The following ATAD2 variants were observed in gnomAD, a reference collection of about 807,000 sequenced individuals.
ATAD2 encodes ATPase family AAA domain containing 2.
A neutral mutation model predicts 168.9 loss-of-function variants in ATAD2; 62 were observed. That is an observed-to-expected ratio of 0.37 (90% CI 0.30 to 0.45). The LOEUF is 0.45. Among genes scored for constraint, ATAD2 ranks in the 20% least tolerant of loss-of-function variants. The pLI is 1.00. For synonymous variants in ATAD2, 613 were observed against 571.6 expected, an observed-to-expected ratio of 1.07 and a Z score of -1.03; for missense variants, 1,419 against 1,667.8, an observed-to-expected ratio of 0.85 and a Z score of 2.60.
intron 24 of ATAD2, among the ~76,000 whole-genome samples, chr8:123,328,894 G>A (rs926565194): frequency 1.4e-5 from 2 of 142,922 alleles, no homozygotes; most frequent in South Asian, 2.2e-4. Flanking sequence ...TCTGCCTCCC[G>A]GGTTCATGCC....
At chr8:123,321,998 T>G (rs1827482613) in intron 27 of ATAD2, among the ~76,000 whole-genome samples, 1 of 151,602 alleles carries the variant, frequency 6.6e-6, no homozygotes, top group East Asian at 1.9e-4. Context: ...TTTTTTTTTT[T>G]TTTTTGTCAT....
In ATAD2 at chr8:123,344,945, G is replaced by A; in HGVS notation, c.2657C>T (p.Ser886Leu). ...TFTTLLQNIP[S>L]FAPVLLLATS... Reference sequence around the variant, plus strand: ...TGCAAGTAGTAAAACTGGAGCAAATGAAGGAATATTCTGTAATAATGTGGT... The same window carrying A: ...TGCAAGTAGTAAAACTGGAGCAAATAAAGGAATATTCTGTAATAATGTGGT... The change falls in exon 19 of 28, where the codon TCA (serine) becomes TTA (leucine). Residue 886 changes from serine (S) to leucine (L), a missense_variant. Ser to Leu is a moderately radical substitution (Grantham distance 145). Transcript: ENST00000287394. The A allele has an allele frequency of 6.2e-7, 1 of 1,614,134 alleles. No homozygotes were observed. The highest frequency in any genetic ancestry group is 8.5e-7 in the Non-Finnish European group (1 of 1,179,988).
At position 123,336,378 on chromosome 8, in the gene ATAD2, G is replaced by T; in HGVS notation, c.3206C>A (p.Pro1069His). ...AAAAATTCACTAATGCTCACCTCCA[G>T]GATCTCTATCTGGATTGTATTCTAA... ...NALEYNPDRD[P>H]GDRLIRHRAC... The change falls in exon 22 of 28, where the codon CCT becomes CAT. Residue 1069 changes from proline (P) to histidine (H), a missense_variant. By Grantham distance (77) the Pro-to-His change is moderately conservative. Around this residue, in one of 5 missense-constraint regions of ATAD2, gnomAD observed 545 missense variants for 724.9 expected, o/e 0.75. Transcript: ENST00000287394. 6.3e-7 allele frequency: 1 copy of T among 1,576,350 alleles called. No individual in the cohort carries two copies. Among genetic ancestry groups the T allele is most frequent in the Non-Finnish European group, 8.6e-7 (1 of 1,168,822 alleles).
chr8:123,408,603 G>A (rs112734536), intron 1 of ATAD2, among the ~76,000 whole-genome samples: 28,461 of 151,830 alleles, frequency 0.19, 3,194 homozygotes, highest in Non-Finnish European at 0.26. Flanking sequence ...TGAACCCTCC[G>A]CCTCTGGGGT....
At chr8:123,413,819 C>T (rs1813198797) in intron 1 of ATAD2, among the ~76,000 whole-genome samples, 1 of 152,124 alleles carries the variant, frequency 6.6e-6, no homozygotes, top group Non-Finnish European at 1.5e-5. Flanking sequence ...TGAAAGAATG[C>T]ATCAGACAGA....
chr8:123,346,893 T>A (rs1192782122), intron 16 of ATAD2, 143 bp from the exon 17 acceptor site: 1 of 1,118,154 alleles, frequency 8.9e-7, no homozygotes, highest in African/African-American at 1.6e-5. Flanking sequence ...AATAAGTAAA[T>A]GTAAAAATGC....
intron 2 of ATAD2, among the ~76,000 whole-genome samples, chr8:123,378,701 C>CAAAAAAA (rs71808201): frequency 4.1e-4 from 30 of 72,974 alleles, no homozygotes; most frequent in African/African-American, 1.3e-3. Context: ...GACTGTGTCT[C>CAAAAAAA]AAAAAAAAAA....
At chr8:123,360,564 C>T (rs1230595778) in intron 9 of ATAD2, among the ~76,000 whole-genome samples, 3 of 152,134 alleles carry the variant, frequency 2.0e-5, no homozygotes, top group East Asian at 3.9e-4. Flanking sequence ...GCTGGAAGTT[C>T]CCTAACTACT....
chr8:123,329,746 CAAAAAAA>C lies in ATAD2; in HGVS notation c.3479-1174_3479-1168del, dbSNP rs68104102. On this transcript the variant is annotated intron_variant, in intron 24 of 27. Coordinates refer to ENST00000287394, the MANE Select transcript of ATAD2 (RefSeq NM_014109.4). ...TAGCTTGCGTGACGCAACTCCGTCT[CAAAAAAA>C]AAAAAAAAAAAAAAAAAAAAAATTT... Among the ~76,000 whole-genome samples the C allele has an allele frequency of 4.6e-3, 387 of 84,354 alleles. 9 individuals are homozygous for C. Among genetic ancestry groups the C allele is most frequent in the Middle Eastern group, 0.014 (2 of 144 alleles). 55.3% of individuals were successfully genotyped at this position (84,354 alleles called of 152,430 possible). A position where few individuals can be genotyped will look rare whatever the true frequency, so the allele number is the denominator to read the frequency against.
At chr8:123,371,614 C>T in intron 4 of ATAD2, 56 bp downstream of exon 4, 3 of 1,474,688 alleles carry the variant, frequency 2.0e-6, no homozygotes, top group South Asian at 1.3e-5. Flanking sequence ...ATGATTCCTC[C>T]CCAACAAAAA....
intron 7 of ATAD2, 143 bp from the exon 8 acceptor site, chr8:123,369,318 T>C (rs545798495): frequency 4.2e-4 from 102 of 244,010 alleles, no homozygotes; most frequent in African/African-American, 2.1e-3. Context: ...ATATCTACTA[T>C]GGAATATTTT....
At chr8:123,376,279 G>A (rs1829305503) in intron 2 of ATAD2, among the ~76,000 whole-genome samples, 1 of 150,926 alleles carries the variant, frequency 6.6e-6, no homozygotes, top group South Asian at 2.1e-4. Context: ...GGTGGCGGTT[G>A]CCTGTAATCC....
At chr8:123,332,823 T>C (rs1428807558) in intron 24 of ATAD2, among the ~76,000 whole-genome samples, 2 of 133,208 alleles carry the variant, frequency 1.5e-5, no homozygotes, top group African/African-American at 2.6e-5. Flanking sequence ...TATCAAACGA[T>C]TGTTTTAAGG....
At chr8:123,328,795 G>GA (rs1392225200) in intron 24 of ATAD2, among the ~76,000 whole-genome samples, 169 of 117,062 alleles carry the variant, frequency 1.4e-3, no homozygotes, top group Middle Eastern at 4.9e-3. Flanking sequence ...ATTTTATCTT[G>GA]AAATTTTTTT....
chr8:123,347,183 T>G lies in ATAD2; in HGVS notation c.2121A>C (p.Pro707=), dbSNP rs1287930897. The part of the protein sequence containing the change: ...PGQALSTVVK[P]LLQNTVDKIL... Reference sequence around the variant, plus strand: ...TCTTGTCAACAGTGTTTTGCAGGAGTGGTTTCACAACGGTGGACAGTGCCT... The same window carrying G: ...TCTTGTCAACAGTGTTTTGCAGGAGGGGTTTCACAACGGTGGACAGTGCCT... Residue 707 remains proline, a synonymous_variant, in exon 16 of 28, where the codon CCA becomes CCC. Transcript: ENST00000287394. 1 of 1,613,790 alleles carries G rather than the reference T, an allele frequency of 6.2e-7. No individual in the cohort carries two copies. The highest frequency in any genetic ancestry group is 8.5e-7 in the Non-Finnish European group (1 of 1,179,980).
Position 123,336,476 on chromosome 8 carries a change from A to C in ATAD2, c.3108T>G (p.Ser1036Arg), listed in dbSNP as rs1281798291. 10 of 1,543,798 alleles carry C rather than the reference A, an allele frequency of 6.5e-6. No homozygotes were observed. The highest frequency in any genetic ancestry group is 7.8e-6 in the Non-Finnish European group (9 of 1,153,070). Residue 1036 changes from serine (S) to arginine (R), a missense_variant, in exon 22 of 28, where the codon AGT becomes AGG. By Grantham distance (110) the Ser-to-Arg change is moderately radical. Coordinates refer to ENST00000287394, the MANE Select transcript of ATAD2 (RefSeq NM_014109.4). ...KQPMDLSSVISKIDLHKYLTV... is the reference protein window; with the variant it reads ...KQPMDLSSVIRKIDLHKYLTV... ...TCAGATACTTGTGTAGATCAATTTT[A>C]CTGATTACAGATGAAAGGTCCATTG... is the stretch of plus-strand genomic sequence containing the variant.
intron 1 of ATAD2, among the ~76,000 whole-genome samples, chr8:123,406,965 C>T (rs1813076520): frequency 1.3e-5 from 2 of 152,064 alleles, no homozygotes; most frequent in Non-Finnish European, 2.9e-5. Context: ...ATTAAAATCT[C>T]GACATGAGAT....
In ATAD2 at chr8:123,328,430, C is replaced by T. The variant is rs112768420; in HGVS notation, c.3628G>A (p.Val1210Ile). 1.9e-6 allele frequency: 3 copies of T among 1,611,310 alleles called. No individual in the cohort carries two copies. Among genetic ancestry groups the T allele is most frequent in the African/African-American group, 1.3e-5 (1 of 74,992 alleles). The change falls in exon 25 of 28, where the codon GTA (valine) becomes ATA (isoleucine). Residue 1210 changes from valine to isoleucine, a missense_variant. By Grantham distance (29) the Val-to-Ile change is conservative. Around this residue, in one of 5 missense-constraint regions of ATAD2, gnomAD observed 303 missense variants for 304.3 expected, o/e 1.00. Transcript: ENST00000287394. ...SDTEETQDTS[V>I]DHNETGNTGE... ...GTGTTTCCGGTCTCATTATGATCTA[C>T]ACTTGTGTCTTGAGTTTCCTCTGTA...
At chr8:123,400,729 A>C (rs941214715), upstream of ATAD2, 18 of 758,852 alleles carry the variant, frequency 2.4e-5, no homozygotes, top group Non-Finnish European at 3.6e-5. This position sits in a 1 kb window ranked among gnomAD's most constrained non-coding sequence, Gnocchi z 4.5. Context: ...GGCGGACCTC[A>C]CCTCAGCCCT....
Sources: allele counts gnomAD v4.1 joint callset (sites outside exome capture counted in the v4.1 genomes callset), GRCh38; gene constraint gnomAD v4.1.1; regional missense constraint gnomAD v4.1.1; non-coding constraint Gnocchi (gnomAD v3.1); transcripts MANE v1.5; gene names NCBI Gene and HGNC (gene_info 2026-07-23, HGNC 2026-07-21).